RBFOX1: variants seen among roughly 807,000 people sequenced by gnomAD.
RBFOX1 encodes the protein RNA binding protein fox-1 homolog 1.
Under a neutral mutation model 57.7 loss-of-function variants are expected in RBFOX1, and 8 were observed. The ratio of observed to expected loss-of-function variants is 0.14; its 90% CI spans 0.08 to 0.25. The LOEUF (loss-of-function observed/expected upper bound fraction) is 0.25. Among genes scored for constraint, RBFOX1 ranks in the 10% least tolerant of loss-of-function variants. The pLI is 1.00. For missense variants in RBFOX1, 611 were observed against 548.5 expected (o/e 1.11, Z -1.14); for synonymous variants, 326 against 222.4 (o/e 1.47, Z -4.15).
intron 4 of RBFOX1, among the ~76,000 whole-genome samples, chr16:7,334,699 C>T (rs1238733156): frequency 1.3e-5 from 2 of 152,132 alleles, no homozygotes; most frequent in East Asian, 3.9e-4. Flanking sequence ...ATGTTGCTGT[C>T]ATTACGAAAT....
At chr16:7,507,585 A>C (rs1441493413) in intron 4 of RBFOX1, among the ~76,000 whole-genome samples, 1 of 40,152 alleles carries the variant, frequency 2.5e-5, no homozygotes, top group Non-Finnish European at 8.6e-5. Flanking sequence ...TTTTTTTGAG[A>C]CGGAGTCTTG....
chr16:6,798,889 T>C (rs1476059615), intron 3 of RBFOX1, among the ~76,000 whole-genome samples: 2 of 152,166 alleles, frequency 1.3e-5, no homozygotes, highest in African/African-American at 4.8e-5. Context: ...TTCCTTTCTG[T>C]AGAGGTTTAG....
At chr16:5,337,174 CCT>C (rs1302440933) in intron 1 of RBFOX1, among the ~76,000 whole-genome samples, 2 of 152,178 alleles carry the variant, frequency 1.3e-5, no homozygotes, top group Non-Finnish European at 2.9e-5. Flanking sequence ...GACAAAAGAA[CCT>C]CCCCCTCACT....
At chr16:7,098,508 A>G (rs1244303553) in intron 4 of RBFOX1, among the ~76,000 whole-genome samples, 1 of 152,222 alleles carries the variant, frequency 6.6e-6, no homozygotes, top group African/African-American at 2.4e-5. Context: ...TTGTAAAATT[A>G]AGCCAAAGAT....
chr16:6,401,370 C>T (rs745547079), intron 2 of RBFOX1, among the ~76,000 whole-genome samples: 2 of 152,162 alleles, frequency 1.3e-5, no homozygotes, highest in Admixed American at 1.3e-4. Flanking sequence ...TTCTTCCTCA[C>T]AATATAAACA....
chr16:7,694,266 A>G (rs1460527619), intron 14 of RBFOX1, among the ~76,000 whole-genome samples: 11 of 152,212 alleles, frequency 7.2e-5, no homozygotes, highest in Non-Finnish European at 1.3e-4. Context: ...ACCTTCAGAC[A>G]CATACATTAA....
intron 3 of RBFOX1, among the ~76,000 whole-genome samples, chr16:5,757,884 G>T (rs1044108310): frequency 6.6e-6 from 1 of 152,146 alleles, no homozygotes; most frequent in African/African-American, 2.4e-5. Flanking sequence ...CAAGCAATGA[G>T]AAGCTCTGAC....
At chr16:6,395,631 G>A (rs898228287) in intron 2 of RBFOX1, among the ~76,000 whole-genome samples, 1 of 151,788 alleles carries the variant, frequency 6.6e-6, no homozygotes, top group African/African-American at 2.4e-5. Context: ...TTGGATTATT[G>A]CATCTTGGGA....
chr16:7,531,741 C>T (rs902852940), intron 5 of RBFOX1, among the ~76,000 whole-genome samples: 1 of 152,160 alleles, frequency 6.6e-6, no homozygotes, highest in Non-Finnish European at 1.5e-5. Flanking sequence ...TGTGATTACC[C>T]CGTTAGTAGT....
At chr16:5,724,935 C>T (rs1426515215) in intron 3 of RBFOX1, among the ~76,000 whole-genome samples, 2 of 152,214 alleles carry the variant, frequency 1.3e-5, no homozygotes, top group South Asian at 2.1e-4. Context: ...GCGTCTTTAA[C>T]AGTCTGCGAC....
At chr16:7,265,962 TTG>T (rs1491403751) in intron 4 of RBFOX1, among the ~76,000 whole-genome samples, 6,455 of 98,736 alleles carry the variant, frequency 0.065, 1,074 homozygotes, top group African/African-American at 0.22. Flanking sequence ...TGGTGGGTTT[TTG>T]TTTTTTTTTT....
At chr16:5,270,732 A>G (rs1781112923) in intron 1 of RBFOX1, 1 of 486,846 alleles carries the variant, frequency 2.1e-6, no homozygotes, top group Admixed American at 2.6e-5. Context: ...TGGTCAATAA[A>G]TTGATACCAG....
chr16:7,004,243 A>G (rs1410255510), intron 3 of RBFOX1: 1 of 152,228 alleles, frequency 6.6e-6, no homozygotes, highest in African/African-American at 2.4e-5. Context: ...TATGCATAGA[A>G]GAATATATAA....
chr16:7,259,904 C>T (rs895612425), intron 4 of RBFOX1, among the ~76,000 whole-genome samples: 2 of 152,076 alleles, frequency 1.3e-5, no homozygotes, highest in African/African-American at 2.4e-5. Flanking sequence ...GTAAATAATT[C>T]TGGGATAAAT....
chr16:6,230,853 C>G (rs532111888), intron 1 of RBFOX1, among the ~76,000 whole-genome samples: 1 of 152,274 alleles, frequency 6.6e-6, no homozygotes, highest in African/African-American at 2.4e-5. Context: ...TACATAAACT[C>G]CTTGGTGTGG....
At chr16:7,670,933 A>G (rs1401981881) in intron 13 of RBFOX1, among the ~76,000 whole-genome samples, 2 of 152,222 alleles carry the variant, frequency 1.3e-5, no homozygotes, top group African/African-American at 4.8e-5. Flanking sequence ...GTATGAAATG[A>G]TAGCATTTTG....
rs540646589 is a variant in RBFOX1, at chr16:7,473,284, A to G, written c.28-44863A>G. On this transcript the variant is annotated intron_variant, in intron 4 of 15. Transcript: ENST00000550418. ...TCCCAGCTACTCAGGAGGCTGAGGC[A>G]TGAGAATTGCTTGAACTCAGGAGGC... 1.2e-3 allele frequency among the ~76,000 whole-genome samples: 190 copies of G among 152,024 alleles called. 1 individual carries two copies. Among genetic ancestry groups the G allele is most frequent in the Admixed American group, 2.4e-3 (36 of 15,256 alleles).
rs1567313825 is a variant in RBFOX1 at position 6,454,881 on chromosome 16, T to TTTGTTG, written c.-64+137826_-64+137827insGTTGTT. On this transcript the variant is annotated intron_variant, in intron 2 of 15. Transcript: ENST00000550418. The stretch of plus-strand genomic sequence containing the variant: ...ACAGGTTTTTTTTTTTTTTTTTTTT[T>TTTGTTG]TTTTTTTTTTTTTTTTTTTTGAGTT... 1.0e-4 allele frequency among the ~76,000 whole-genome samples: 5 copies of TTTGTTG among 49,322 alleles called. 1 individual carries two copies. Among genetic ancestry groups the TTTGTTG allele is most frequent in the Admixed American group, 2.0e-4 (1 of 4,946 alleles). The allele number at this position is 49,322 out of a possible 152,430, so 32.4% of individuals were successfully genotyped here.
At chr16:7,693,495 C>G (rs1437405966) in intron 14 of RBFOX1, 1 of 693,690 alleles carries the variant, frequency 1.4e-6, no homozygotes, top group Non-Finnish European at 2.3e-6. Flanking sequence ...AAAAAAAGAT[C>G]TTATATCTTT....
Sources: allele counts gnomAD v4.1 joint callset (sites outside exome capture counted in the v4.1 genomes callset), GRCh38; gene constraint gnomAD v4.1.1; transcripts MANE v1.5; gene names NCBI Gene and HGNC (gene_info 2026-07-23, HGNC 2026-07-21).